Variants in MALRD1 observed in about 807,000 individuals in gnomAD.
The protein encoded by MALRD1 is MAM and LDL-receptor class A domain-containing protein 1.
MALRD1 carries 247 observed loss-of-function variants against 242.1 expected under a neutral mutation model. The observed-to-expected ratio is 1.02, with a 90% CI of 0.92 to 1.13. The LOEUF is 1.13. MALRD1 is among the 50% of genes most tolerant of loss of function. The probability of loss-of-function intolerance (pLI) is 0.00; values close to 1 mark genes in which losing one functional copy is unlikely to be tolerated. For missense variants in MALRD1, 2,989 were observed against 2,533.1 expected (o/e 1.18, Z -3.86); for synonymous variants, 995 against 866.6 (o/e 1.15, Z -2.60).
intron 1 of MALRD1, among the ~76,000 whole-genome samples, chr10:19,053,757 C>T (rs1834578683): frequency 6.6e-6 from 1 of 151,650 alleles, no homozygotes; most frequent in African/African-American, 2.4e-5. Flanking sequence ...ATTCCACACG[C>T]AGTCTTTTTA....
intron 18 of MALRD1, among the ~76,000 whole-genome samples, chr10:19,252,296 T>C (rs559039087): frequency 6.6e-6 from 1 of 152,054 alleles, no homozygotes; most frequent in Non-Finnish European, 1.5e-5. Flanking sequence ...GAAACTGTTA[T>C]GGACTGGGTC....
chr10:19,680,274 AGTCTCTTTGTAG>A (rs565063011), intron 36 of MALRD1, among the ~76,000 whole-genome samples: 1 of 152,272 alleles, frequency 6.6e-6, no homozygotes, highest in Admixed American at 6.5e-5. Flanking sequence ...TGGAAGTAAA[AGTCTCTTTGTAG>A]GTCTCTAAGA....
rs148532280 is a variant in MALRD1, at chr10:19,680,728, G to T, written c.6138-11554G>T. The stretch of plus-strand genomic sequence containing the variant: ...GACTTGTTGATGTAGTTGCTTCATA[G>T]TGTCATTGGTCTTTGTACTTCAGTG... On this transcript the variant is annotated intron_variant, in intron 36 of 39. Transcript: ENST00000454679. Among the ~76,000 whole-genome samples, 389 of 152,264 alleles carry T rather than the reference G, an allele frequency of 2.6e-3. 2 individuals carry two copies. Among genetic ancestry groups the T allele is most frequent in the African/African-American group, 9.0e-3 (375 of 41,552 alleles).
chr10:19,304,400 A>G (rs999899987), intron 21 of MALRD1, among the ~76,000 whole-genome samples: 5 of 151,548 alleles, frequency 3.3e-5, no homozygotes, highest in Admixed American at 1.3e-4. Flanking sequence ...TCATCTATCT[A>G]TATCCTATTG....
Position 19,567,526 on chromosome 10 carries a change from C to G in MALRD1, c.5503C>G (p.Leu1835Val), listed in dbSNP as rs773893615. ...GGTGTATACCATTGAAGAATCGGGG[C>G]TAAACATCCTGGTGTGGTCAGTGAT... The part of the protein sequence containing the change: ...LKVYTIEESG[L>V]NILVWSVIGN... Residue 1835 changes from leucine to valine, a missense_variant, in exon 33 of 40, where the codon CTA becomes GTA. Coordinates refer to ENST00000454679, the MANE Select transcript of MALRD1 (RefSeq NM_001142308.3). 1.4e-5 allele frequency: 22 copies of G among 1,550,184 alleles called. 2 individuals are homozygous for G. In the South Asian group the frequency reaches 2.1e-4, roughly 15 times the overall value.
intron 28 of MALRD1, among the ~76,000 whole-genome samples, chr10:19,442,647 C>G (rs1003434885): frequency 1.8e-4 from 27 of 152,110 alleles, no homozygotes; most frequent in African/African-American, 6.5e-4. Context: ...GTTGGACCAG[C>G]CTTGCATCCC....
At chr10:19,416,265 C>A (rs1833509807) in intron 28 of MALRD1, among the ~76,000 whole-genome samples, 1 of 152,116 alleles carries the variant, frequency 6.6e-6, no homozygotes, top group Non-Finnish European at 1.5e-5. Context: ...CTGAAAGTAA[C>A]CCAGTTGAGA....
intron 32 of MALRD1, among the ~76,000 whole-genome samples, chr10:19,565,992 G>A (rs1836231056): frequency 6.6e-6 from 1 of 151,810 alleles, no homozygotes; most frequent in African/African-American, 2.4e-5. Context: ...TTGTACTTGG[G>A]GACACTAGCA....
chr10:19,256,248 C>T (rs934245597), intron 18 of MALRD1, among the ~76,000 whole-genome samples: 3 of 152,038 alleles, frequency 2.0e-5, no homozygotes, highest in Admixed American at 2.0e-4. Context: ...GGGTACAGGA[C>T]ATTAACTGGT....
chr10:19,472,414 A>T (rs77327719), intron 29 of MALRD1, among the ~76,000 whole-genome samples: 3,313 of 152,112 alleles, frequency 0.022, 108 homozygotes, highest in African/African-American at 0.076. Flanking sequence ...GAGGTCTCGT[A>T]AATGAACTTG....
chr10:19,278,873 A>G (rs1410048001), intron 19 of MALRD1, among the ~76,000 whole-genome samples: 2 of 152,224 alleles, frequency 1.3e-5, no homozygotes, highest in Non-Finnish European at 2.9e-5. Flanking sequence ...AAGCAAATTG[A>G]TATAATAAGC....
Position 19,227,369 on chromosome 10 carries a change from A to G in MALRD1, c.2991+17689A>G, listed in dbSNP as rs74118882. Among the ~76,000 whole-genome samples, 1,464 of 152,214 alleles carry G rather than the reference A, an allele frequency of 9.6e-3. 25 individuals carry two copies. The highest frequency in any genetic ancestry group is 0.032 in the African/African-American group (1,323 of 41,550). ...ATGGCCAAAGTTGCCGAAATAATTC[A>G]ATAAGGAAATCAATGTCTTTATAAA... On this transcript the variant is annotated intron_variant, in intron 18 of 39. Coordinates refer to ENST00000454679, the MANE Select transcript of MALRD1 (RefSeq NM_001142308.3).
intron 12 of MALRD1, among the ~76,000 whole-genome samples, chr10:19,163,973 A>G (rs1040316070): frequency 9.2e-5 from 14 of 152,226 alleles, no homozygotes; most frequent in Admixed American, 2.6e-4. Context: ...CTCTTGTACA[A>G]CTAGGTTTAA....
At chr10:19,633,155 T>C (rs1475589367) in intron 36 of MALRD1, among the ~76,000 whole-genome samples, 2 of 152,000 alleles carry the variant, frequency 1.3e-5, no homozygotes, top group African/African-American at 4.8e-5. Context: ...CACTTGAATC[T>C]GGGAGGTGGA....
rs532427966 is a variant in MALRD1 at position 19,088,321 on chromosome 10, G to A, written c.597+136G>A. The A allele has an allele frequency of 9.1e-6, 7 of 765,682 alleles. No individual in the cohort carries two copies. The East Asian group carries it at 1.4e-4, about 15-fold the overall frequency. 47.4% of individuals were successfully genotyped at this position (765,682 alleles called of 1,614,324 possible). ...GGATTTCCCAGGACTTTCAAATGCT[G>A]AAAGTGGACATCTCAGGCAATTTGG... On this transcript the variant is annotated intron_variant, in intron 4 of 39. Coordinates refer to ENST00000454679, the MANE Select transcript of MALRD1 (RefSeq NM_001142308.3).
At chr10:19,538,739 T>G (rs1461024379) in intron 32 of MALRD1, among the ~76,000 whole-genome samples, 1 of 152,094 alleles carries the variant, frequency 6.6e-6, no homozygotes, top group Non-Finnish European at 1.5e-5. Context: ...TAACTCACAA[T>G]TTATACTTTT....
chr10:19,386,441 G>C (rs910653734), intron 26 of MALRD1, among the ~76,000 whole-genome samples: 4 of 151,858 alleles, frequency 2.6e-5, no homozygotes, highest in Non-Finnish European at 5.9e-5. Context: ...AGATCCTGTA[G>C]TGTCAGAGAA....
chr10:19,333,228 G>A (rs538403418), intron 24 of MALRD1, among the ~76,000 whole-genome samples: 3 of 152,216 alleles, frequency 2.0e-5, no homozygotes, highest in African/African-American at 7.2e-5. Context: ...GAGATTTGGG[G>A]TATGGTTAGT....
chr10:19,155,780 G>A (rs143495323), intron 12 of MALRD1, among the ~76,000 whole-genome samples: 37 of 152,186 alleles, frequency 2.4e-4, no homozygotes, highest in Middle Eastern at 3.4e-3. Context: ...CATTTACATT[G>A]GAAGCATACA....
Sources: allele counts gnomAD v4.1 joint callset (sites outside exome capture counted in the v4.1 genomes callset), GRCh38; gene constraint gnomAD v4.1.1; transcripts MANE v1.5; gene names NCBI Gene and HGNC (gene_info 2026-07-23, HGNC 2026-07-21).